Variants in FGFR1 observed in about 807,000 individuals in gnomAD.
The protein encoded by FGFR1 is FGFR1/PLAG1 fusion.
FGFR1 carries 18 observed loss-of-function variants against 93.7 expected under a neutral mutation model. That is an observed-to-expected ratio of 0.19 (90% CI 0.13 to 0.28). The LOEUF (loss-of-function observed/expected upper bound fraction) is 0.28, where lower values mean the gene tolerates loss of function less well. Ranked by LOEUF, FGFR1 falls within the 10% of genes least tolerant of loss-of-function variation. FGFR1 has a pLI of 1.00. For missense variants in FGFR1, 731 were observed against 1,080.4 expected, an observed-to-expected ratio of 0.68 and a Z score of 4.53; for synonymous variants, 448 against 429.3, an observed-to-expected ratio of 1.04 and a Z score of -0.54.
rs764252845 is a variant in FGFR1, at chr8:38,417,317, C to T, written c.1652G>A (p.Cys551Tyr). ...TGGCCGGCACCCACCATCCTGCGTG[C>T]AGGCCCCCAGCAGGTTGATGATATT... ...HKNIINLLGA[C>Y]TQDGPLYVIV... Residue 551 changes from cysteine to tyrosine, a missense_variant, in exon 12 of 18, where the codon TGC (cysteine) becomes TAC (tyrosine). Cys to Tyr is a radical substitution (Grantham distance 194). This residue lies in a region of FGFR1 where 62 missense variants were observed against 99.5 expected (regional missense o/e 0.62). Transcript: ENST00000447712. 6.2e-7 allele frequency: 1 copy of T among 1,612,796 alleles called. No homozygotes were observed. Among genetic ancestry groups the T allele is most frequent in the Non-Finnish European group, 8.5e-7 (1 of 1,179,566 alleles).
At chr8:38,450,909 C>T (rs994659459) in intron 2 of FGFR1, among the ~76,000 whole-genome samples, 11 of 152,290 alleles carry the variant, frequency 7.2e-5, no homozygotes, top group South Asian at 4.1e-4. Context: ...AAGAGGGCCA[C>T]GTGAGCGTCC....
At chr8:38,415,725 G>A in intron 13 of FGFR1, 145 bp downstream of exon 13, 1 of 838,240 alleles carries the variant, frequency 1.2e-6, no homozygotes, top group Non-Finnish European at 2.0e-6. Context: ...AGTTCCCAGA[G>A]AGCCTAAGAC....
chr8:38,415,346 T>A (rs1036884929), intron 13 of FGFR1, among the ~76,000 whole-genome samples: 6 of 152,160 alleles, frequency 3.9e-5, no homozygotes, highest in African/African-American at 1.4e-4. Flanking sequence ...CCGGCTGGGG[T>A]GCAGTGGTGT....
intron 2 of FGFR1, among the ~76,000 whole-genome samples, chr8:38,453,141 T>C (rs1404186752): frequency 2.6e-5 from 4 of 152,196 alleles, no homozygotes; most frequent in Non-Finnish European, 4.4e-5. Context: ...CTCTGTTCTG[T>C]CACAAAGCTC....
At chr8:38,457,609 G>C (rs1586749545) in intron 1 of FGFR1, 75 bp from the exon 2 acceptor site, 1 of 1,439,794 alleles carries the variant, frequency 6.9e-7, no homozygotes, top group South Asian at 1.2e-5. Context: ...AGAAGGTAAA[G>C]TATGCCATGT....
chr8:38,440,156 T>C, intron 2 of FGFR1: 1 of 659,610 alleles, frequency 1.5e-6, no homozygotes, highest in Non-Finnish European at 2.7e-6. Context: ...CAGAGATAAA[T>C]GAGGGGGCAA....
chr8:38,451,469 G>A (rs1831052024), intron 2 of FGFR1, among the ~76,000 whole-genome samples: 1 of 152,152 alleles, frequency 6.6e-6, no homozygotes, highest in Non-Finnish European at 1.5e-5. Context: ...GGACCTGCAA[G>A]GGCCCTATGA....
chr8:38,416,133 C>T (rs1171714629), intron 12 of FGFR1, 73 bp from the exon 13 acceptor site: 13 of 1,368,940 alleles, frequency 9.5e-6, no homozygotes, highest in Non-Finnish European at 1.3e-5. Flanking sequence ...AAAGAAACCC[C>T]ACCCCCAGCA....
intron 1 of FGFR1, among the ~76,000 whole-genome samples, chr8:38,467,451 C>T (rs900034575): frequency 6.6e-6 from 1 of 152,152 alleles, no homozygotes; most frequent in East Asian, 1.9e-4. Flanking sequence ...TGGAAAAGGA[C>T]TTAGGAATGC....
intron 2 of FGFR1, among the ~76,000 whole-genome samples, chr8:38,447,931 C>G (rs1829864791): frequency 6.6e-6 from 1 of 152,120 alleles, no homozygotes; most frequent in Admixed American, 6.5e-5. Context: ...AGAATATGTT[C>G]TATTGAATGC....
chr8:38,461,108 AC>A, intron 1 of FGFR1: 1 of 1,536,036 alleles, frequency 6.5e-7, no homozygotes, highest in Non-Finnish European at 8.7e-7. Context: ...TGCCTCCATC[AC>A]AGGTGGTTAT....
intron 14 of FGFR1, 56 bp downstream of exon 14, chr8:38,414,723 C>T (rs746473852): frequency 6.2e-6 from 10 of 1,613,614 alleles, no homozygotes; most frequent in Non-Finnish European, 8.5e-6. Context: ...CAGCCCACCC[C>T]ACTCCTTGCT....
intron 2 of FGFR1, among the ~76,000 whole-genome samples, chr8:38,437,240 G>C (rs1420697149): frequency 6.6e-6 from 1 of 152,108 alleles, no homozygotes; most frequent in South Asian, 2.1e-4. Context: ...TGAGACCCCA[G>C]TTCTCAAAAA....
At chr8:38,416,090 C>G (rs1303660745) in intron 12 of FGFR1, 30 bp from the exon 13 acceptor site, 5 of 1,593,450 alleles carry the variant, frequency 3.1e-6, no homozygotes, top group Non-Finnish European at 4.3e-6. Flanking sequence ...GGCCATGGGG[C>G]CAGCAGCAGG....
chr8:38,429,227 A>G lies in FGFR1; in HGVS notation c.358+455T>C. 2.2e-6 allele frequency: 1 copy of G among 464,506 alleles called. No individual in the cohort carries two copies. Among genetic ancestry groups the G allele is most frequent in the African/African-American group, 2.0e-5 (1 of 50,610 alleles). The allele number at this position is 464,506 out of a possible 1,614,324, so 28.8% of individuals were successfully genotyped here. A position where few individuals can be genotyped will look rare whatever the true frequency, so the allele number is the denominator to read the frequency against. ...TCCAGGGCTCCCTGGCTGCCCTCGC[A>G]CAGCTCCCTTGCGGTGCACCTGGGT... On this transcript the variant is annotated intron_variant, in intron 3 of 17. Coordinates refer to ENST00000447712, the MANE Select transcript of FGFR1 (RefSeq NM_023110.3). The surrounding 1 kb of genome is among the most constrained non-coding windows in gnomAD (Gnocchi z 4.4).
intron 2 of FGFR1, among the ~76,000 whole-genome samples, chr8:38,446,907 G>A (rs181563153): frequency 2.1e-4 from 32 of 152,174 alleles, no homozygotes; most frequent in African/African-American, 4.6e-4. Context: ...GAAAACTCAG[G>A]TGTCGGATCT....
intron 2 of FGFR1, among the ~76,000 whole-genome samples, chr8:38,445,870 G>C (rs1219580866): frequency 6.6e-6 from 1 of 151,980 alleles, no homozygotes; most frequent in Admixed American, 6.6e-5. Flanking sequence ...GACTACCCAA[G>C]TTTTGAATGC....
At position 38,413,839 on chromosome 8, in the gene FGFR1, G is replaced by T. The variant is rs746834138; in HGVS notation, c.2293-35C>A. On this transcript the variant is annotated intron_variant, in intron 17 of 17. Coordinates refer to ENST00000447712, the MANE Select transcript of FGFR1 (RefSeq NM_023110.3). This position sits in a 1 kb window ranked among gnomAD's most constrained non-coding sequence, Gnocchi z 4.2. ...GCGAGAGGAAGCAGCGATGGGCCGG[G>T]CCCCTCCTCCCTGCTCAGGGAGGTG... is the stretch of plus-strand genomic sequence containing the variant. 6.2e-7 allele frequency: 1 copy of T among 1,613,662 alleles called. No homozygotes were observed. The highest frequency in any genetic ancestry group is 8.5e-7 in the Non-Finnish European group (1 of 1,179,718).
intron 2 of FGFR1, among the ~76,000 whole-genome samples, chr8:38,455,831 T>A (rs192616056): frequency 6.6e-6 from 1 of 152,238 alleles, no homozygotes; most frequent in Admixed American, 6.5e-5. Context: ...TCCCACCACC[T>A]CTGGTTGTAA....
Sources: allele counts gnomAD v4.1 joint callset (sites outside exome capture counted in the v4.1 genomes callset), GRCh38; gene constraint gnomAD v4.1.1; regional missense constraint gnomAD v4.1.1; non-coding constraint Gnocchi (gnomAD v3.1); transcripts MANE v1.5; gene names NCBI Gene and HGNC (gene_info 2026-07-23, HGNC 2026-07-21).